ADAMTS7: variants seen among roughly 807,000 people sequenced by gnomAD.
ADAMTS7 encodes the protein ADAM metallopeptidase with thrombospondin type 1 motif 7, also known as A disintegrin and metalloproteinase with thrombospondin motifs 7.
ADAMTS7 carries 89 observed loss-of-function variants against 172.6 expected under a neutral mutation model. The observed-to-expected ratio is 0.52, with a 90% CI of 0.43 to 0.61. The LOEUF (loss-of-function observed/expected upper bound fraction) is 0.61, where lower values mean the gene tolerates loss of function less well. Ranked by LOEUF, ADAMTS7 falls within the 20% of genes least tolerant of loss-of-function variation. ADAMTS7 has a pLI of 0.00. For synonymous variants in ADAMTS7, 885 were observed against 978.4 expected, an observed-to-expected ratio of 0.90 and a Z score of 1.78; for missense variants, 1,973 against 2,355.6, an observed-to-expected ratio of 0.84 and a Z score of 3.36.
intron 14 of ADAMTS7, among the ~76,000 whole-genome samples, chr15:78,772,718 A>G (rs1043610012): frequency 1.3e-5 from 2 of 152,162 alleles, no homozygotes; most frequent in Admixed American, 1.3e-4. Flanking sequence ...TGTCCCCATC[A>G]CCTAGCACAC....
chr15:78,781,461 G>A (rs1323814812), intron 8 of ADAMTS7, among the ~76,000 whole-genome samples: 1 of 152,144 alleles, frequency 6.6e-6, no homozygotes, highest in Non-Finnish European at 1.5e-5. Flanking sequence ...CCTCCATTGG[G>A]GAGGCACGTA....
intron 16 of ADAMTS7, among the ~76,000 whole-genome samples, chr15:78,769,047 G>A (rs943628846): frequency 6.6e-6 from 1 of 152,120 alleles, no homozygotes; most frequent in African/African-American, 2.4e-5. Flanking sequence ...GTGTGTCCGG[G>A]GGCCACCGAC....
intron 22 of ADAMTS7, among the ~76,000 whole-genome samples, chr15:78,762,840 C>A (rs2055070250): frequency 6.6e-6 from 1 of 152,242 alleles, no homozygotes; most frequent in Non-Finnish European, 1.5e-5. Flanking sequence ...GTGAGCCCCT[C>A]ACACAGGACA....
rs569825653 is a variant in ADAMTS7 at position 78,787,160 on chromosome 15, A to G, written c.1322+1071T>C. Reference sequence around the variant, plus strand: ...GCTATTAGCAGTTTTGGGCGAGTCGAAAGTTATACATGGATTTTCAATTGC... The same window carrying G: ...GCTATTAGCAGTTTTGGGCGAGTCGGAAGTTATACATGGATTTTCAATTGC... On this transcript the variant is annotated intron_variant, in intron 8 of 23. Transcript: ENST00000388820. Among the ~76,000 whole-genome samples the G allele has an allele frequency of 7.9e-5, 12 of 152,200 alleles. No individual in the cohort carries two copies. The South Asian group carries it at 2.3e-3, about 29-fold the overall frequency.
intron 8 of ADAMTS7, among the ~76,000 whole-genome samples, chr15:78,777,808 G>T (rs1852745182): frequency 6.6e-6 from 1 of 152,178 alleles, no homozygotes; most frequent in South Asian, 2.1e-4. Context: ...ACTCCAGCTG[G>T]CTAAACAATC....
intron 11 of ADAMTS7, among the ~76,000 whole-genome samples, chr15:78,775,091 T>TG (rs1310591309): frequency 6.6e-6 from 1 of 152,054 alleles, no homozygotes; most frequent in Non-Finnish European, 1.5e-5. Flanking sequence ...ATGTATAAAG[T>TG]GGGGTTGGGG....
chr15:78,800,986 T>G (rs2055717151), intron 1 of ADAMTS7, among the ~76,000 whole-genome samples: 1 of 152,062 alleles, frequency 6.6e-6, no homozygotes, highest in South Asian at 2.1e-4. Context: ...GGTGATACGC[T>G]CGCCTCGGCC....
chr15:78,774,667 G>C lies in ADAMTS7; in HGVS notation c.1833C>G (p.Leu611=), dbSNP rs781580397. 1.9e-6 allele frequency: 3 copies of C among 1,611,732 alleles called. No individual in the cohort carries two copies. The South Asian group carries it at 3.3e-5, about 18-fold the overall frequency. ...HVQCSHFDAM[L]YKGQLHTWVP... ...CCCATGTGTGCAGCTGGCCCTTGTAGAGCATAGCGTCAAAGTGGCTGCACT... is the reference window on the plus strand; with the variant it reads ...CCCATGTGTGCAGCTGGCCCTTGTACAGCATAGCGTCAAAGTGGCTGCACT... Residue 611 remains leucine, a synonymous_variant, in exon 12 of 24, where the codon CTC becomes CTG. Coordinates refer to ENST00000388820, the MANE Select transcript of ADAMTS7 (RefSeq NM_014272.5).
At chr15:78,770,887 G>C (rs1443160063) in intron 16 of ADAMTS7, 6 of 498,490 alleles carry the variant, frequency 1.2e-5, no homozygotes, top group East Asian at 9.9e-5. Context: ...GGTCTATCGA[G>C]GGGGAGCTGT....
At chr15:78,797,528 T>A (rs1281566743) in intron 3 of ADAMTS7, among the ~76,000 whole-genome samples, 1 of 152,126 alleles carries the variant, frequency 6.6e-6, no homozygotes, top group East Asian at 1.9e-4. Flanking sequence ...TAGAGGTTAG[T>A]TATTCTAGGG....
intron 8 of ADAMTS7, among the ~76,000 whole-genome samples, chr15:78,783,011 G>A (rs1044970883): frequency 1.3e-5 from 2 of 152,096 alleles, no homozygotes; most frequent in Non-Finnish European, 2.9e-5. Context: ...TCTACACATT[G>A]AAGGGTAAGA....
chr15:78,798,150 G>A (rs1235697732), intron 2 of ADAMTS7, 37 bp from the exon 3 acceptor site: 1 of 1,512,790 alleles, frequency 6.6e-7, no homozygotes, highest in Non-Finnish European at 8.8e-7. Flanking sequence ...AGGGAGGGCT[G>A]GCCCTCAGCT....
At chr15:78,796,807 G>A (rs372119569) in intron 3 of ADAMTS7, 21 bp from the exon 4 acceptor site, 1 of 1,592,650 alleles carries the variant, frequency 6.3e-7, no homozygotes, top group Non-Finnish European at 8.5e-7. Context: ...AGATGGGGTG[G>A]AGTTAGCTGC....
chr15:78,810,990 G>T, intron 1 of ADAMTS7, 131 bp downstream of exon 1: 1 of 1,012,398 alleles, frequency 9.9e-7, no homozygotes, highest in Non-Finnish European at 1.3e-6. Context: ...CCCAGGGAGC[G>T]GAAGACGCGA....
chr15:78,763,219 G>T (rs550138632), intron 22 of ADAMTS7, among the ~76,000 whole-genome samples: 47 of 152,334 alleles, frequency 3.1e-4, no homozygotes, highest in African/African-American at 1.1e-3. Context: ...GGACAAAGAC[G>T]CAAACGCTGG....
chr15:78,809,322 A>C (rs1392827821), intron 1 of ADAMTS7, among the ~76,000 whole-genome samples: 1 of 152,204 alleles, frequency 6.6e-6, no homozygotes, highest in Non-Finnish European at 1.5e-5. Flanking sequence ...GCTTCAAAGA[A>C]AATGACAAAC....
intron 23 of ADAMTS7, among the ~76,000 whole-genome samples, chr15:78,761,276 C>T (rs1024988463): frequency 6.6e-6 from 1 of 152,202 alleles, no homozygotes; most frequent in Non-Finnish European, 1.5e-5. Flanking sequence ...GAAGGCAGAC[C>T]GGGGAGATTG....
chr15:78,811,337 G>A lies in ADAMTS7; in HGVS notation c.-117C>T, dbSNP rs1596206810. Reference sequence around the variant, plus strand: ...ATGCCCGGCCGGCGTGCAGCTCCCGGCGACCCGGCCCCGACTCCGTTCGGC... The same window carrying A: ...ATGCCCGGCCGGCGTGCAGCTCCCGACGACCCGGCCCCGACTCCGTTCGGC... On this transcript the variant is annotated 5_prime_UTR_variant, in exon 1 of 24. Coordinates refer to ENST00000388820, the MANE Select transcript of ADAMTS7 (RefSeq NM_014272.5). 2 of 1,173,052 alleles carry A rather than the reference G, an allele frequency of 1.7e-6. No individual in the cohort carries two copies. The allele number at this position is 1,173,052 out of a possible 1,614,324, so 72.7% of individuals were successfully genotyped here. A position where few individuals can be genotyped will look rare whatever the true frequency, so the allele number is the denominator to read the frequency against.
intron 1 of ADAMTS7, among the ~76,000 whole-genome samples, chr15:78,803,377 A>C (rs574374934): frequency 1.6e-4 from 25 of 152,264 alleles, no homozygotes; most frequent in Admixed American, 5.2e-4. Flanking sequence ...AAACACAACA[A>C]AACAAAAAAT....
Sources: allele counts gnomAD v4.1 joint callset (sites outside exome capture counted in the v4.1 genomes callset), GRCh38; gene constraint gnomAD v4.1.1; transcripts MANE v1.5; gene names NCBI Gene and HGNC (gene_info 2026-07-23, HGNC 2026-07-21).